AP2A2: variants seen among roughly 807,000 people sequenced by gnomAD.
AP2A2 encodes the protein AP-2 complex subunit alpha-2.
A neutral mutation model predicts 104.2 loss-of-function variants in AP2A2; 32 were observed. The observed-to-expected ratio is 0.31, with a 90% CI of 0.23 to 0.41. The LOEUF is 0.41. AP2A2 is among the 10% of genes least tolerant of loss of function. The pLI is 1.00. For missense variants in AP2A2, 912 were observed against 1,261.0 expected (o/e 0.72, Z 4.19); for synonymous variants, 539 against 533.3 (o/e 1.01, Z -0.15).
intron 7 of AP2A2, 24 bp downstream of exon 7, chr11:984,777 G>A: frequency 1.9e-6 from 3 of 1,541,022 alleles, no homozygotes; most frequent in Non-Finnish European, 2.7e-6. Flanking sequence ...CGCGGCTCCT[G>A]AAGCTGCACC....
chr11:982,199 C>T (rs779558267), intron 6 of AP2A2, among the ~76,000 whole-genome samples: 5 of 152,166 alleles, frequency 3.3e-5, no homozygotes, highest in Non-Finnish European at 5.9e-5. Flanking sequence ...TACAGGCACC[C>T]ACCACCAAGC....
At chr11:952,440 C>T (rs1322554075) in intron 1 of AP2A2, among the ~76,000 whole-genome samples, 2 of 152,202 alleles carry the variant, frequency 1.3e-5, no homozygotes, top group African/African-American at 4.8e-5. Flanking sequence ...AAGCCTGCCC[C>T]TATAGAGTGT....
chr11:1,004,762 C>G (rs1034231052), intron 16 of AP2A2, among the ~76,000 whole-genome samples: 1 of 152,074 alleles, frequency 6.6e-6, no homozygotes, highest in Non-Finnish European at 1.5e-5. Context: ...GGCAACAGAG[C>G]GAGACCCTGT....
At chr11:1,008,434 G>A in intron 18 of AP2A2, 2 of 360,160 alleles carry the variant, frequency 5.6e-6, no homozygotes, top group Non-Finnish European at 5.0e-6. Context: ...CAGGGCCCCC[G>A]CGCCACCTGC....
intron 2 of AP2A2, among the ~76,000 whole-genome samples, chr11:967,418 G>A (rs1377354476): frequency 6.6e-6 from 1 of 152,006 alleles, no homozygotes; most frequent in Non-Finnish European, 1.5e-5. Context: ...CTGGAGTGCA[G>A]TGGCGCGATC....
At chr11:1,000,619 C>G in intron 15 of AP2A2, 21 bp downstream of exon 15, 1 of 1,535,694 alleles carries the variant, frequency 6.5e-7, no homozygotes, top group Non-Finnish European at 8.7e-7. Context: ...TTCCTGAGTC[C>G]TGCAGACAGG....
At chr11:935,613 T>TTTTTTTTG (rs1438442166) in intron 1 of AP2A2, among the ~76,000 whole-genome samples, 2 of 140,792 alleles carry the variant, frequency 1.4e-5, no homozygotes, top group African/African-American at 2.6e-5. Context: ...GTTTTTTTTT[T>TTTTTTTTG]TTTTTTTTTT....
rs1421705018 is a variant in AP2A2 at position 959,514 on chromosome 11, G to A, written c.136+9G>A. On this transcript the variant is annotated intron_variant, in intron 2 of 21. Coordinates refer to ENST00000448903, the MANE Select transcript of AP2A2 (RefSeq NM_012305.4). ...CAGATCAAAATTTAAAGGTAAGTAT[G>A]TTTAACCTTTTCCATGAAATGTCCT... The A allele has an allele frequency of 1.3e-6, 2 of 1,516,970 alleles. No homozygotes were observed. Among genetic ancestry groups the A allele is most frequent in the African/African-American group, 1.4e-5 (1 of 71,840 alleles). The allele number at this position is 1,516,970 out of a possible 1,614,324, so 94.0% of individuals were successfully genotyped here.
intron 3 of AP2A2, 78 bp downstream of exon 3, chr11:970,389 C>A: frequency 6.5e-7 from 1 of 1,546,562 alleles, no homozygotes; most frequent in South Asian, 1.2e-5. Flanking sequence ...CGTGTAGGGC[C>A]GCTGCTTCCT....
chr11:952,856 G>A (rs867725183), intron 1 of AP2A2, among the ~76,000 whole-genome samples: 1 of 152,080 alleles, frequency 6.6e-6, no homozygotes, highest in Non-Finnish European at 1.5e-5. Context: ...ATCTGTTCCC[G>A]GCACGGTGGG....
At chr11:995,435 C>A (rs1240868627) in intron 14 of AP2A2, 2 of 455,548 alleles carry the variant, frequency 4.4e-6, no homozygotes, top group East Asian at 1.4e-4. Flanking sequence ...CGGGGTCAGG[C>A]GGGCTTTCTG....
rs1171411779 is a variant in AP2A2 at position 984,751 on chromosome 11, C to T, written c.812C>T (p.Pro271Leu). The T allele has an allele frequency of 1.2e-6, 2 of 1,607,756 alleles. No individual in the cohort carries two copies. Among genetic ancestry groups the T allele is most frequent in the Non-Finnish European group, 1.7e-6 (2 of 1,175,518 alleles). ...LLRLLQCYPP[P>L]DPAVRGRLTE... ...AGACTGCTGCAGTGCTACCCACCCC[C>T]AGGTAACGCGCAGGCCGCGGCTCCT... The change falls in exon 7 of 22, where the codon CCA (proline) becomes CTA (leucine). Residue 271 changes from proline to leucine, a missense_variant and splice_region_variant. Around this residue, in one of 7 missense-constraint regions of AP2A2, gnomAD observed 350 missense variants for 487.0 expected, o/e 0.72. Transcript: ENST00000448903.
At chr11:984,593 C>A in intron 6 of AP2A2, 52 bp from the exon 7 acceptor site, 2 of 1,454,142 alleles carry the variant, frequency 1.4e-6, no homozygotes, top group South Asian at 1.1e-5. Context: ...TGGGTCCCCG[C>A]AGTAGGGGCT....
intron 2 of AP2A2, among the ~76,000 whole-genome samples, chr11:961,688 G>A (rs1429072138): frequency 7.5e-6 from 1 of 132,810 alleles, no homozygotes; most frequent in South Asian, 2.4e-4. Flanking sequence ...TCTGACAGTC[G>A]CCGCCACCAG....
chr11:1,001,614 G>T (rs549450689), intron 15 of AP2A2, among the ~76,000 whole-genome samples: 1 of 152,254 alleles, frequency 6.6e-6, no homozygotes, highest in East Asian at 1.9e-4. Flanking sequence ...GGTGCAGGTC[G>T]CCGCTTGGGC....
intron 8 of AP2A2, 61 bp from the exon 9 acceptor site, chr11:986,724 C>T: frequency 1.9e-6 from 3 of 1,574,234 alleles, no homozygotes; most frequent in Non-Finnish European, 2.6e-6. Context: ...AACGCAGACT[C>T]TGTCCAGTTT....
chr11:985,895 G>A (rs1255354727), intron 8 of AP2A2, among the ~76,000 whole-genome samples: 1 of 152,250 alleles, frequency 6.6e-6, no homozygotes, highest in Non-Finnish European at 1.5e-5. Context: ...GTGGGGTGGG[G>A]GGTGTGCGCG....
intron 5 of AP2A2, among the ~76,000 whole-genome samples, chr11:977,609 A>G (rs997857467): frequency 6.6e-6 from 1 of 151,280 alleles, no homozygotes; most frequent in Non-Finnish European, 1.5e-5. Context: ...CCAGGCCCCC[A>G]TGGTATAGGC....
In AP2A2 at chr11:988,540, C is replaced by CT. The variant is rs996958618; in HGVS notation, c.1132-10dup. ...GCTCCTGCGACCTCTTACTCTGTGC[C>CT]TTGTTCCCCAGACTGAGCGGGACGT... On this transcript the variant is annotated splice_polypyrimidine_tract_variant and intron_variant, in intron 9 of 21. Transcript: ENST00000448903. The CT allele has an allele frequency of 4.4e-6, 7 of 1,609,088 alleles. No homozygotes were observed. Among genetic ancestry groups the CT allele is most frequent in the Non-Finnish European group, 5.9e-6 (7 of 1,179,508 alleles).
Sources: gnomAD v4.1 joint callset for allele counts (sites outside exome capture counted in the v4.1 genomes callset) on GRCh38, gnomAD v4.1.1 for gene constraint, gnomAD v4.1.1 regional missense constraint, MANE v1.5 for transcripts, NCBI Gene and HGNC (gene_info 2026-07-23, HGNC 2026-07-21) for gene names.